SEPTIN12: variants seen among roughly 807,000 people sequenced by gnomAD.
SEPTIN12 encodes septin 12, also known as septin-12.
A neutral mutation model predicts 37.7 loss-of-function variants in SEPTIN12; 42 were observed. The observed-to-expected ratio is 1.11, with a 90% CI of 0.87 to 1.44. The LOEUF is 1.44. Among genes scored for constraint, SEPTIN12 ranks in the 40% most tolerant of loss-of-function variants. The probability of loss-of-function intolerance (pLI) is 0.00; values close to 1 mark genes in which losing one functional copy is unlikely to be tolerated. For synonymous variants in SEPTIN12, 254 were observed against 196.7 expected, an observed-to-expected ratio of 1.29 and a Z score of -2.44; for missense variants, 613 against 479.2, an observed-to-expected ratio of 1.28 and a Z score of -2.61.
In SEPTIN12 at chr16:4,785,021, C is replaced by T. The variant is rs150937610; in HGVS notation, c.374+786G>A. ...CAGCACTTTGGGAGACTGAGGTGGG[C>T]GGACCACCCGAGGTCAGGAGTTTGA... On this transcript the variant is annotated intron_variant, in intron 4 of 9. Coordinates refer to ENST00000268231, the MANE Select transcript of SEPTIN12 (RefSeq NM_144605.5). 1.1e-3 allele frequency among the ~76,000 whole-genome samples: 164 copies of T among 151,484 alleles called. No individual in the cohort carries two copies. In the East Asian group the frequency reaches 0.023, roughly 21 times the overall value.
At position 4,783,510 on chromosome 16, in the gene SEPTIN12, C is replaced by T. The variant is rs1200710924; in HGVS notation, c.678G>A (p.Met226Ile). Reference protein sequence around the residue: ...RTHCIDVYPQMCFDEDINDKI... With the variant: ...RTHCIDVYPQICFDEDINDKI... The stretch of plus-strand genomic sequence containing the variant: ...TGTCATTGATGTCCTCGTCAAAGCA[C>T]ATCTGGGGGTAGACGTCGATGCAGT... The change falls in exon 7 of 10, where the codon ATG becomes ATA. Residue 226 changes from methionine (M) to isoleucine (I), a missense_variant. Physicochemically the swap from Met to Ile is conservative, Grantham distance 10. Transcript: ENST00000268231. 2 of 1,614,196 alleles carry T rather than the reference C, an allele frequency of 1.2e-6. No homozygotes were observed. The highest frequency in any genetic ancestry group is 2.2e-5 in the South Asian group (2 of 91,088).
At position 4,777,686 on chromosome 16, in the gene SEPTIN12, A is replaced by G. The variant is rs1264569837; in HGVS notation, c.*111T>C. 1 of 846,380 alleles carries G rather than the reference A, an allele frequency of 1.2e-6. No homozygotes were observed. Among genetic ancestry groups the G allele is most frequent in the South Asian group, 1.9e-5 (1 of 51,430 alleles). 52.4% of individuals were successfully genotyped at this position (846,380 alleles called of 1,614,324 possible). ...AAAATGCCTTTTGTTTTCAAAGCAC[A>G]GCTTTTCATAAAAAGCAAGGCTCAC... On this transcript the variant is annotated 3_prime_UTR_variant, in exon 10 of 10. Transcript: ENST00000268231.
At chr16:4,783,626 C>A (rs372565357) in intron 6 of SEPTIN12, 23 bp downstream of exon 6, 6 of 1,612,726 alleles carry the variant, frequency 3.7e-6, no homozygotes, top group Admixed American at 3.3e-5. Context: ...CTGACCCCAG[C>A]CCTGCCCGGG....
chr16:4,785,685 G>C (rs902872226), intron 4 of SEPTIN12, 122 bp downstream of exon 4: 2 of 707,148 alleles, frequency 2.8e-6, no homozygotes, highest in Non-Finnish European at 4.9e-6. Flanking sequence ...GGCTGAGGCA[G>C]GAGAATCACT....
Position 4,786,026 on chromosome 16 carries a change from C to A in SEPTIN12, c.246G>T (p.Leu82Phe). The A allele has an allele frequency of 6.2e-7, 1 of 1,613,948 alleles. No homozygotes were observed. Among genetic ancestry groups the A allele is most frequent in the South Asian group, 1.1e-5 (1 of 91,036 alleles). ...GCAGCGTCTGGGGTGTGGGCACCCC[C>A]AAGCCCGGTGGGTTTGACTTCCACA... Reference protein sequence around the residue: ...SKVWKSNPPGLGVPTPQTLQL... With the variant: ...SKVWKSNPPGFGVPTPQTLQL... Residue 82 changes from leucine (L) to phenylalanine (F), a missense_variant, in exon 3 of 10, where the codon TTG becomes TTT. Leu to Phe is a conservative substitution (Grantham distance 22). Transcript: ENST00000268231.
intron 7 of SEPTIN12, among the ~76,000 whole-genome samples, chr16:4,780,426 G>C (rs2082360052): frequency 6.6e-6 from 1 of 152,088 alleles, no homozygotes; most frequent in South Asian, 2.1e-4. Context: ...TTGGCACATA[G>C]TTGAGCCTAT....
upstream of SEPTIN12, chr16:4,790,070 T>C (rs1207223290): frequency 2.6e-5 from 4 of 151,916 alleles, no homozygotes; most frequent in Non-Finnish European, 5.9e-5. Context: ...ACGTAGACCA[T>C]GCTGGGCTAA....
intron 8 of SEPTIN12, among the ~76,000 whole-genome samples, chr16:4,779,421 G>A (rs185740990): frequency 3.9e-4 from 60 of 152,276 alleles, no homozygotes; most frequent in African/African-American, 1.3e-3. Context: ...CTTGGGTATT[G>A]GGCATTGTGC....
rs578117978 is a variant in SEPTIN12, at chr16:4,787,421, C to T, written c.166+59G>A. ...ACAGGCTGCCAAAGGTGAGGCCACA[C>T]GCCCAGGCACGCGTAGCACTGTGGG... is the stretch of plus-strand genomic sequence containing the variant. On this transcript the variant is annotated intron_variant, in intron 2 of 9. Coordinates refer to ENST00000268231, the MANE Select transcript of SEPTIN12 (RefSeq NM_144605.5). 163 of 1,529,484 alleles carry T rather than the reference C, an allele frequency of 1.1e-4. 1 individual carries two copies. The highest frequency in any genetic ancestry group is 3.8e-4 in the African/African-American group (28 of 73,608). 94.7% of individuals were successfully genotyped at this position (1,529,484 alleles called of 1,614,324 possible).
rs752562996 is a variant in SEPTIN12 at position 4,784,041 on chromosome 16, G to A, written c.402C>T (p.Asn134=). 37 of 1,614,022 alleles carry A rather than the reference G, an allele frequency of 2.3e-5. No homozygotes were observed. Among genetic ancestry groups the A allele is most frequent in the East Asian group, 6.7e-5 (3 of 44,882 alleles). The change falls in exon 5 of 10, where the codon AAC becomes AAT. Residue 134 remains asparagine, a synonymous_variant. Coordinates refer to ENST00000268231, the MANE Select transcript of SEPTIN12 (RefSeq NM_144605.5). ...NCWDPILGYI[N]EQYEQYLQEE... Reference sequence around the variant, plus strand: ...CCTGCAGGTACTGCTCGTATTGCTCGTTGATGTAGCCCAGGATGGGGTCCC... The same window carrying A: ...CCTGCAGGTACTGCTCGTATTGCTCATTGATGTAGCCCAGGATGGGGTCCC...
intron 5 of SEPTIN12, 80 bp downstream of exon 5, chr16:4,783,851 G>T: frequency 6.2e-7 from 1 of 1,601,694 alleles, no homozygotes; most frequent in Non-Finnish European, 8.5e-7. Context: ...GGGGGCAGCC[G>T]GCAGCCCATG....
chr16:4,783,612 C>T (rs751848422), intron 6 of SEPTIN12, 37 bp downstream of exon 6: 4 of 1,611,538 alleles, frequency 2.5e-6, no homozygotes, highest in African/African-American at 1.3e-5. Context: ...GCCCTCTGCC[C>T]CCGCTGACCC....
chr16:4,778,199 A>G (rs929110079), intron 8 of SEPTIN12, 62 bp from the exon 9 acceptor site: 16 of 1,517,558 alleles, frequency 1.1e-5, no homozygotes, highest in East Asian at 2.3e-5. Flanking sequence ...TGCCTACTGT[A>G]TGCACCACCT....
chr16:4,784,047 G>A lies in SEPTIN12; in HGVS notation c.396C>T (p.Tyr132=), dbSNP rs1434677822. ...NDNCWDPILG[Y]INEQYEQYLQ... is the part of the protein sequence containing the mutation. ...GGTACTGCTCGTATTGCTCGTTGAT[G>A]TAGCCCAGGATGGGGTCCCAGCTGA... The change falls in exon 5 of 10, where the codon TAC becomes TAT. Residue 132 remains tyrosine (Y), a synonymous_variant. Transcript: ENST00000268231. 1.2e-6 allele frequency: 2 copies of A among 1,614,148 alleles called. No homozygotes were observed. The highest frequency in any genetic ancestry group is 3.3e-5 in the Admixed American group (2 of 60,016).
rs1390274777 is a variant in SEPTIN12 at position 4,785,352 on chromosome 16, G to T, written c.374+455C>A. 2.7e-5 allele frequency among the ~76,000 whole-genome samples: 4 copies of T among 150,916 alleles called. 1 individual carries two copies. Among genetic ancestry groups the T allele is most frequent in the African/African-American group, 9.8e-5 (4 of 40,854 alleles). On this transcript the variant is annotated intron_variant, in intron 4 of 9. Coordinates refer to ENST00000268231, the MANE Select transcript of SEPTIN12 (RefSeq NM_144605.5). ...ACTCTGGCCTGGGCGACAAGAGCTA[G>T]ATTCTGTCTCAAAAAAAAAAAAGAT...
In SEPTIN12 at chr16:4,778,010, G is replaced by C; in HGVS notation, c.876-12C>G. ...CTTGGAGGTGGGAGCTGGGGGACCG[G>C]AGACGGTCAGCCCCGATGGTGGTGT... On this transcript the variant is annotated splice_polypyrimidine_tract_variant and intron_variant, in intron 9 of 9. Transcript: ENST00000268231. 1 of 1,612,282 alleles carries C rather than the reference G, an allele frequency of 6.2e-7. No individual in the cohort carries two copies. Among genetic ancestry groups the C allele is most frequent in the East Asian group, 2.2e-5 (1 of 44,812 alleles).
rs750686221 is a variant in SEPTIN12 at position 4,783,464 on chromosome 16, G to T, written c.724C>A (p.Arg242=). 6.2e-7 allele frequency: 1 copy of T among 1,613,420 alleles called. No individual in the cohort carries two copies. The highest frequency in any genetic ancestry group is 1.1e-5 in the South Asian group (1 of 91,058). The part of the protein sequence containing the change: ...INDKILNSKL[R]DRIPFAVVGA... ...CCTCCCGCCCCACAGCCTCTCACCC[G>T]TAACTTGCTGTTGAGGATTTTGTCA... Residue 242 remains arginine (R), a splice_region_variant and synonymous_variant, in exon 7 of 10, where the codon CGG becomes AGG. Coordinates refer to ENST00000268231, the MANE Select transcript of SEPTIN12 (RefSeq NM_144605.5).
chr16:4,783,920 A>G lies in SEPTIN12; in HGVS notation c.512+11T>C. Reference sequence around the variant, plus strand: ...CAGGTGGTCCTCGCCTTGCAGGTGCAGCCCCCTCACCAGTGCCCAGTGGGT... The same window carrying G: ...CAGGTGGTCCTCGCCTTGCAGGTGCGGCCCCCTCACCAGTGCCCAGTGGGT... On this transcript the variant is annotated intron_variant, in intron 5 of 9. Transcript: ENST00000268231. 1 of 1,613,984 alleles carries G rather than the reference A, an allele frequency of 6.2e-7. No homozygotes were observed. Among genetic ancestry groups the G allele is most frequent in the South Asian group, 1.1e-5 (1 of 91,082 alleles).
chr16:4,778,228 C>T, intron 8 of SEPTIN12, 91 bp from the exon 9 acceptor site: 2 of 1,319,734 alleles, frequency 1.5e-6, no homozygotes, highest in Non-Finnish European at 1.1e-6. Flanking sequence ...TTCCCTTAGC[C>T]CTTTTCCCAC....
Sources: allele counts gnomAD v4.1 joint callset (sites outside exome capture counted in the v4.1 genomes callset), GRCh38; gene constraint gnomAD v4.1.1; transcripts MANE v1.5; gene names NCBI Gene and HGNC (gene_info 2026-07-23, HGNC 2026-07-21).